Variants in NEDD4 observed in about 807,000 individuals in gnomAD.
The protein encoded by NEDD4 is E3 ubiquitin-protein ligase NEDD4.
NEDD4 carries 99 observed loss-of-function variants against 144.9 expected under a neutral mutation model. The ratio of observed to expected loss-of-function variants is 0.68; its 90% CI spans 0.58 to 0.81. NEDD4 has a LOEUF of 0.81. Ranked by LOEUF, NEDD4 falls within the 30% of genes least tolerant of loss-of-function variation. The pLI is 0.00. For synonymous variants in NEDD4, 318 were observed against 350.6 expected (o/e 0.91, Z 1.04); for missense variants, 985 against 1,065.9 (o/e 0.92, Z 1.06).
intron 5 of NEDD4, among the ~76,000 whole-genome samples, chr15:55,876,130 C>T (rs1446857746): frequency 1.3e-5 from 2 of 152,026 alleles, no homozygotes; most frequent in African/African-American, 4.8e-5. Context: ...GGAAAATGTA[C>T]CAAGAATTCT....
chr15:55,967,364 C>G (rs1030661350), intron 1 of NEDD4, among the ~76,000 whole-genome samples: 1 of 151,422 alleles, frequency 6.6e-6, no homozygotes, highest in African/African-American at 2.4e-5. Flanking sequence ...TATTGAAGTG[C>G]TTAGGAATAA....
intron 5 of NEDD4, among the ~76,000 whole-genome samples, chr15:55,918,738 T>A (rs533418976): frequency 1.3e-5 from 2 of 152,208 alleles, no homozygotes; most frequent in Non-Finnish European, 2.9e-5. Flanking sequence ...CGTACAATAG[T>A]TGAAAACTTA....
In NEDD4 at chr15:55,830,503, C is replaced by G. The variant is rs1315578357; in HGVS notation, c.2600+11G>C. ...AGGCTTTGTTCTATCAAGGTCCAAA[C>G]AACTGCTTACCAGGTATGAGCTCTT... On this transcript the variant is annotated intron_variant, in intron 28 of 28. Coordinates refer to ENST00000435532, the MANE Select transcript of NEDD4 (RefSeq NM_006154.4). The G allele has an allele frequency of 6.2e-7, 1 of 1,612,992 alleles. No homozygotes were observed. The highest frequency in any genetic ancestry group is 8.5e-7 in the Non-Finnish European group (1 of 1,178,932).
chr15:55,961,057 G>A (rs1323974222), intron 2 of NEDD4, among the ~76,000 whole-genome samples: 1 of 152,208 alleles, frequency 6.6e-6, no homozygotes, highest in Non-Finnish European at 1.5e-5. Context: ...GATTCTCCTA[G>A]AGAGTGGCTA....
At chr15:55,915,835 A>G in intron 5 of NEDD4, 1 of 1,613,898 alleles carries the variant, frequency 6.2e-7, no homozygotes, top group Non-Finnish European at 8.5e-7. Context: ...CCGGGGGTAC[A>G]AATTGTTTTA....
At chr15:55,911,836 A>C (rs1489928414) in intron 5 of NEDD4, among the ~76,000 whole-genome samples, 1 of 152,104 alleles carries the variant, frequency 6.6e-6, no homozygotes, top group African/African-American at 2.4e-5. Context: ...CCTAGACTGA[A>C]AATTTTTATG....
chr15:55,832,935 T>C, intron 27 of NEDD4, 73 bp downstream of exon 27: 1 of 1,002,894 alleles, frequency 1.0e-6, no homozygotes, highest in Non-Finnish European at 1.5e-6. Context: ...GATGGAAGCT[T>C]GCGGATTCGT....
At chr15:55,858,428 C>G (rs990567459) in intron 11 of NEDD4, among the ~76,000 whole-genome samples, 1 of 152,106 alleles carries the variant, frequency 6.6e-6, no homozygotes, top group African/African-American at 2.4e-5. Flanking sequence ...CAATCTCAGC[C>G]TCCCAAGTAG....
chr15:55,830,085 A>G (rs2032875070), intron 28 of NEDD4, 86 bp from the exon 29 acceptor site: 3 of 922,502 alleles, frequency 3.3e-6, no homozygotes, highest in Non-Finnish European at 5.1e-6. Flanking sequence ...GCTATTCTTG[A>G]TGAGAATGTT....
intron 1 of NEDD4, among the ~76,000 whole-genome samples, chr15:55,972,570 A>G (rs917316550): frequency 1.3e-5 from 2 of 152,204 alleles, no homozygotes; most frequent in Admixed American, 6.5e-5. Context: ...ACCACTAAAG[A>G]AAACACTTTC....
In NEDD4 at chr15:55,848,622, T is replaced by C. The variant is rs767803159; in HGVS notation, c.1429-47A>G. ...AATTATTTTAGGAGAGGGGCGTAGA[T>C]GAATGGATAGAAAAATAGCACTGGT... On this transcript the variant is annotated intron_variant, in intron 15 of 28. Coordinates refer to ENST00000435532, the MANE Select transcript of NEDD4 (RefSeq NM_006154.4). 1.2e-5 allele frequency: 18 copies of C among 1,522,294 alleles called. No individual in the cohort carries two copies. The Admixed American group carries it at 1.5e-4, about 13-fold the overall frequency. The allele number at this position is 1,522,294 out of a possible 1,614,324, so 94.3% of individuals were successfully genotyped here.
intron 4 of NEDD4, among the ~76,000 whole-genome samples, chr15:55,926,621 C>T (rs1453955038): frequency 6.6e-6 from 1 of 152,084 alleles, no homozygotes; most frequent in Non-Finnish European, 1.5e-5. Flanking sequence ...CAAAAATTAG[C>T]TGGGCATCAT....
intron 5 of NEDD4, chr15:55,916,088 C>T (rs761200090): frequency 2.5e-6 from 4 of 1,613,936 alleles, no homozygotes; most frequent in Non-Finnish European, 3.4e-6. Flanking sequence ...CTGGCAATTT[C>T]ATAATCTCTA....
At chr15:55,964,033 A>G (rs2037468642) in intron 2 of NEDD4, among the ~76,000 whole-genome samples, 1 of 151,764 alleles carries the variant, frequency 6.6e-6, no homozygotes, top group Non-Finnish European at 1.5e-5. Context: ...TTTTGTCAAG[A>G]TTTTTCTCTT....
intron 1 of NEDD4, among the ~76,000 whole-genome samples, chr15:55,981,093 C>T (rs1275389816): frequency 4.1e-4 from 61 of 149,760 alleles, no homozygotes; most frequent in African/African-American, 1.4e-3. Flanking sequence ...GGCTGGAGTG[C>T]AGTGGTATGA....
At chr15:55,923,006 A>G (rs1263551456) in intron 5 of NEDD4, among the ~76,000 whole-genome samples, 1 of 152,120 alleles carries the variant, frequency 6.6e-6, no homozygotes, top group Non-Finnish European at 1.5e-5. Flanking sequence ...CAACATGGTG[A>G]AACCCCGTCT....
chr15:55,938,221 T>C (rs555801903), intron 4 of NEDD4, among the ~76,000 whole-genome samples: 26 of 152,194 alleles, frequency 1.7e-4, no homozygotes, highest in African/African-American at 5.5e-4. Context: ...TAGCTGGGCA[T>C]GGTGGCGTGT....
At chr15:55,987,954 G>A (rs62045227) in intron 1 of NEDD4, 13 of 144,400 alleles carry the variant, frequency 9.0e-5, no homozygotes, top group South Asian at 7.0e-4. Flanking sequence ...TTGGCGATGC[G>A]GGCTCTTTTT....
chr15:55,841,814 G>A (rs1021612691), intron 19 of NEDD4, 120 bp downstream of exon 19: 28 of 743,954 alleles, frequency 3.8e-5, no homozygotes, highest in Middle Eastern at 3.2e-4. Flanking sequence ...CTTGTGATCC[G>A]CCCGCCTCGG....
Sources: allele counts gnomAD v4.1 joint callset (sites outside exome capture counted in the v4.1 genomes callset), GRCh38; gene constraint gnomAD v4.1.1; transcripts MANE v1.5; gene names NCBI Gene and HGNC (gene_info 2026-07-23, HGNC 2026-07-21).